The following SEC14L5 variants were observed in gnomAD, a reference collection of about 807,000 sequenced individuals.
SEC14L5 encodes SEC14 like lipid binding 5, also known as SEC14-like protein 5.
Under a neutral mutation model 84.6 loss-of-function variants are expected in SEC14L5, and 96 were observed. That is an observed-to-expected ratio of 1.13 (90% confidence interval 0.96 to 1.34). The LOEUF (loss-of-function observed/expected upper bound fraction) is 1.34, where lower values mean the gene tolerates loss of function less well. Ranked by LOEUF, SEC14L5 falls within the 40% of genes most tolerant of loss-of-function variation. The pLI is 0.00. For synonymous variants in SEC14L5, 546 were observed against 383.4 expected (o/e 1.42, Z -4.95); for missense variants, 1,224 against 942.5 (o/e 1.30, Z -3.91).
chr16:4,990,548 C>T (rs895777025), intron 4 of SEC14L5, among the ~76,000 whole-genome samples: 14 of 152,340 alleles, frequency 9.2e-5, no homozygotes, highest in South Asian at 8.3e-4. Context: ...CACATTCTCC[C>T]GGCTTCTCAT....
chr16:4,991,820 G>C lies in SEC14L5; in HGVS notation c.475-18G>C. On this transcript the variant is annotated intron_variant, in intron 5 of 15. Coordinates refer to ENST00000251170, the MANE Select transcript of SEC14L5 (RefSeq NM_014692.2). ...TCCTGCCCCGTGCTCATGTGTCTTG[G>C]GTCTCTCTGGCTTCCAGGGGAAGGA... 1 of 1,577,788 alleles carries C rather than the reference G, an allele frequency of 6.3e-7. No individual in the cohort carries two copies. The highest frequency in any genetic ancestry group is 8.6e-7 in the Non-Finnish European group (1 of 1,159,646).
intron 2 of SEC14L5, among the ~76,000 whole-genome samples, chr16:4,982,952 G>T (rs182873750): frequency 6.6e-6 from 1 of 152,038 alleles, no homozygotes; most frequent in African/African-American, 2.4e-5. Flanking sequence ...TTATGTAATA[G>T]ATATATTCAT....
chr16:5,013,978 C>T (rs1955839156), intron 15 of SEC14L5, among the ~76,000 whole-genome samples: 2 of 152,224 alleles, frequency 1.3e-5, no homozygotes, highest in Non-Finnish European at 2.9e-5. Flanking sequence ...CAGGCGTAAG[C>T]CATGGCACCT....
rs373334625 is a variant in SEC14L5, at chr16:5,007,424, C to T, written c.1510C>T (p.Gln504Ter). ...AGAAGAGGAGCAGGAGCACACGGAC[C>T]AGCTGTGGCAGTGGAGTGAGACCTA... ...MTEEEQEHTD[Q>*]LWQWSETYHS... Residue 504 changes from glutamine (Q) to a stop codon, truncating the protein, a stop_gained, in exon 13 of 16, where the codon CAG (glutamine) becomes TAG (stop). Coordinates refer to ENST00000251170, the MANE Select transcript of SEC14L5 (RefSeq NM_014692.2). LOFTEE classifies it high-confidence loss of function. The T allele has an allele frequency of 1.9e-6, 3 of 1,613,756 alleles. No individual in the cohort carries two copies. The highest frequency in any genetic ancestry group is 2.5e-6 in the Non-Finnish European group (3 of 1,179,854).
At chr16:4,974,030 G>C (rs899482697) in intron 2 of SEC14L5, among the ~76,000 whole-genome samples, 7 of 151,978 alleles carry the variant, frequency 4.6e-5, no homozygotes, top group African/African-American at 1.7e-4. Context: ...GGAATACATA[G>C]ACACAGAAAG....
chr16:5,008,735 C>T, intron 14 of SEC14L5, 87 bp downstream of exon 14: 1 of 1,192,476 alleles, frequency 8.4e-7, no homozygotes, highest in Non-Finnish European at 1.2e-6. Flanking sequence ...CAGCGGAGGA[C>T]ATACTGGGCT....
At chr16:5,011,728 G>C (rs924639513) in intron 15 of SEC14L5, among the ~76,000 whole-genome samples, 1 of 152,130 alleles carries the variant, frequency 6.6e-6, no homozygotes, top group Non-Finnish European at 1.5e-5. Flanking sequence ...GTGTGACCTC[G>C]GGCAAATCAC....
At chr16:5,005,048 C>T (rs931589631) in intron 11 of SEC14L5, among the ~76,000 whole-genome samples, 1 of 152,198 alleles carries the variant, frequency 6.6e-6, no homozygotes, top group African/African-American at 2.4e-5. Context: ...AGGTGGCTCA[C>T]GCCTGTAATC....
chr16:4,989,353 G>T (rs868547345), intron 4 of SEC14L5, among the ~76,000 whole-genome samples: 6 of 143,368 alleles, frequency 4.2e-5, no homozygotes, highest in Non-Finnish European at 9.0e-5. Context: ...GTTTTTTTGA[G>T]AGACAGTCTC....
At chr16:4,981,821 C>T (rs188450315) in intron 2 of SEC14L5, among the ~76,000 whole-genome samples, 47 of 152,264 alleles carry the variant, frequency 3.1e-4, no homozygotes, top group African/African-American at 1.1e-3. Context: ...GGGCTTGCCT[C>T]GCTGGAAGGA....
chr16:4,989,037 G>A (rs113826123), intron 4 of SEC14L5, among the ~76,000 whole-genome samples: 93 of 152,344 alleles, frequency 6.1e-4, no homozygotes, highest in Non-Finnish European at 1.3e-3. Context: ...TGGAGGACTG[G>A]GAACAGCATT....
At chr16:5,011,023 C>A in intron 14 of SEC14L5, 72 bp from the exon 15 acceptor site, 1 of 1,435,396 alleles carries the variant, frequency 7.0e-7, no homozygotes, top group Non-Finnish European at 9.4e-7. Context: ...ATGAGAAGCC[C>A]ATGAAGGCTC....
At chr16:4,974,563 A>T (rs1277892694) in intron 2 of SEC14L5, among the ~76,000 whole-genome samples, 1 of 150,938 alleles carries the variant, frequency 6.6e-6, no homozygotes, top group Non-Finnish European at 1.5e-5. Context: ...TAATTTTTTA[A>T]AAAAACATTT....
chr16:4,995,264 C>T (rs1222760184), intron 6 of SEC14L5, among the ~76,000 whole-genome samples: 18 of 152,242 alleles, frequency 1.2e-4, no homozygotes, highest in Non-Finnish European at 2.5e-4. Flanking sequence ...GGCCTCTGCA[C>T]GCCAGCATCT....
intron 2 of SEC14L5, among the ~76,000 whole-genome samples, chr16:4,959,992 G>A (rs1282908369): frequency 6.6e-6 from 1 of 152,122 alleles, no homozygotes; most frequent in Non-Finnish European, 1.5e-5. Flanking sequence ...TAAGGAAGCT[G>A]ACACTGGGAC....
At chr16:4,962,297 G>A (rs535785290) in intron 2 of SEC14L5, among the ~76,000 whole-genome samples, 4 of 152,020 alleles carry the variant, frequency 2.6e-5, no homozygotes, top group South Asian at 2.1e-4. Context: ...TAAGCTTCAG[G>A]TTCCACAAAT....
At chr16:5,008,364 C>T in intron 13 of SEC14L5, 57 bp from the exon 14 acceptor site, 1 of 1,312,634 alleles carries the variant, frequency 7.6e-7, no homozygotes, top group Non-Finnish European at 1.1e-6. Flanking sequence ...ACTGTGTTCC[C>T]CACCCCAGCT....
chr16:4,965,102 G>A (rs541101492), intron 2 of SEC14L5, among the ~76,000 whole-genome samples: 186 of 152,204 alleles, frequency 1.2e-3, no homozygotes, highest in African/African-American at 3.9e-3. Context: ...TGTCTTTAAC[G>A]TATACATCTT....
In SEC14L5 at chr16:4,988,197, T is replaced by A; in HGVS notation, c.262T>A (p.Trp88Arg). The A allele has an allele frequency of 6.3e-7, 1 of 1,597,840 alleles. No individual in the cohort carries two copies. The highest frequency in any genetic ancestry group is 8.5e-7 in the Non-Finnish European group (1 of 1,169,688). The change falls in exon 4 of 16, where the codon TGG becomes AGG. Residue 88 changes from tryptophan (W) to arginine (R), a missense_variant. Coordinates refer to ENST00000251170, the MANE Select transcript of SEC14L5 (RefSeq NM_014692.2). ...CTTCGTGCAGACAAACATCTTGAAC[T>A]GGAAGGAGAGGACGCTCCTCATCGA... ...VVFVQTNILN[W>R]KERTLLIEAH...
Sources: allele counts gnomAD v4.1 joint callset (sites outside exome capture counted in the v4.1 genomes callset), GRCh38; gene constraint gnomAD v4.1.1; transcripts MANE v1.5; gene names NCBI Gene and HGNC (gene_info 2026-07-23, HGNC 2026-07-21).